The following SBK1 variants were observed in gnomAD, a reference collection of about 807,000 sequenced individuals.
SBK1 encodes SH3 domain binding kinase 1.
In SBK1, 11 loss-of-function variants were observed where a neutral mutation model predicts 24.4. That is an observed-to-expected ratio of 0.45 (90% CI 0.28 to 0.75). The LOEUF is 0.75. Among genes scored for constraint, SBK1 ranks in the 30% least tolerant of loss-of-function variants. The pLI, the probability that SBK1 is intolerant of heterozygous loss-of-function variation, is 0.12. For missense variants in SBK1, 467 were observed against 620.5 expected (o/e 0.75, Z 2.63); for synonymous variants, 308 against 284.4 (o/e 1.08, Z -0.83).
chr16:28,320,151 C>T lies in SBK1; in HGVS notation c.505C>T (p.Gln169Ter). 2 of 1,581,336 alleles carry T rather than the reference C, an allele frequency of 1.3e-6. No homozygotes were observed. The highest frequency in any genetic ancestry group is 8.6e-7 in the Non-Finnish European group (1 of 1,168,986). ...GLALDFMHGR[Q>*]LVHRDIKPEN... ...GGCGCTGGACTTCATGCACGGGCGG[C>T]AGCTGGTGCACCGCGACATCAAGCC... is the stretch of plus-strand genomic sequence containing the variant. The change falls in exon 4 of 4, where the codon CAG becomes TAG. Residue 169 changes from glutamine (Q) to a stop codon, truncating the protein, a stop_gained. Transcript: ENST00000341901. LOFTEE classifies it high-confidence loss of function. The surrounding 1 kb of genome is among the most constrained non-coding windows in gnomAD (Gnocchi z 8.5).
rs934003797 is a variant in SBK1 at position 28,319,925 on chromosome 16, A to G, written c.430-151A>G. 2 of 676,904 alleles carry G rather than the reference A, an allele frequency of 3.0e-6. No homozygotes were observed. The highest frequency in any genetic ancestry group is 3.8e-5 in the African/African-American group (2 of 52,488). 41.9% of individuals were successfully genotyped at this position (676,904 alleles called of 1,614,324 possible). A position where few individuals can be genotyped will look rare whatever the true frequency, so the allele number is the denominator to read the frequency against. On this transcript the variant is annotated intron_variant, in intron 3 of 3. Transcript: ENST00000341901. This position sits in a 1 kb window ranked among gnomAD's most constrained non-coding sequence, Gnocchi z 4.0. Reference sequence around the variant, plus strand: ...GACAGCGGGGGAAAGGGCGCTCAGCAGCATCCGGGCCGCGTCTGCGCGGTC... The same window carrying G: ...GACAGCGGGGGAAAGGGCGCTCAGCGGCATCCGGGCCGCGTCTGCGCGGTC...
chr16:28,281,647 A>G (rs1253050485), intron 1 of SBK1, among the ~76,000 whole-genome samples: 1 of 152,178 alleles, frequency 6.6e-6, no homozygotes, highest in East Asian at 1.9e-4. Flanking sequence ...CTTCAGCAAA[A>G]GCCTCAGCCT....
intron 1 of SBK1, among the ~76,000 whole-genome samples, chr16:28,310,498 C>G (rs1281856025): frequency 6.6e-6 from 1 of 152,214 alleles, no homozygotes; most frequent in Non-Finnish European, 1.5e-5. Context: ...AAGGTACCAG[C>G]TTTGGAGCCA....
chr16:28,290,780 A>G (rs559820598), upstream of SBK1: 41 of 152,380 alleles, frequency 2.7e-4, no homozygotes, highest in African/African-American at 9.4e-4. Context: ...GGAGGCCGAC[A>G]AGTTAAGAAC....
intron 1 of SBK1, among the ~76,000 whole-genome samples, chr16:28,279,392 C>A (rs1255232710): frequency 8.6e-6 from 1 of 116,870 alleles, no homozygotes; most frequent in East Asian, 2.5e-4. Flanking sequence ...AGAGCAAGAT[C>A]TGGTCTCTAA....
chr16:28,273,475 C>T (rs1231994224), intron 1 of SBK1, among the ~76,000 whole-genome samples: 1 of 152,104 alleles, frequency 6.6e-6, no homozygotes, highest in South Asian at 2.1e-4. Context: ...CCGCCTGCCT[C>T]GGCCTCCCAA....
chr16:28,268,561 G>A (rs1349630611), intron 1 of SBK1, among the ~76,000 whole-genome samples: 6 of 151,804 alleles, frequency 4.0e-5, no homozygotes, highest in African/African-American at 1.5e-4. Flanking sequence ...TCAGGAGTTC[G>A]AGACCAGCCT....
intron 1 of SBK1, among the ~76,000 whole-genome samples, chr16:28,315,185 C>T (rs1245508024): frequency 1.4e-5 from 2 of 147,910 alleles, no homozygotes; most frequent in Non-Finnish European, 3.0e-5. Context: ...TCTCCATTTA[C>T]AGATGAGAAA....
At chr16:28,308,772 TGTGTG>T (rs2044734391) in intron 1 of SBK1, among the ~76,000 whole-genome samples, 1 of 149,364 alleles carries the variant, frequency 6.7e-6, no homozygotes, top group African/African-American at 2.5e-5. Context: ...TGTGTGTGTG[TGTGTG>T]TGTTTGTTTT....
At chr16:28,316,143 G>A (rs1468990788) in intron 1 of SBK1, among the ~76,000 whole-genome samples, 1 of 152,126 alleles carries the variant, frequency 6.6e-6, no homozygotes, top group African/African-American at 2.4e-5. Flanking sequence ...TGCAGTGGGG[G>A]AGGCACTGCC....
Position 28,320,696 on chromosome 16 carries a change from G to A in SBK1, c.1050G>A (p.Pro350=), listed in dbSNP as rs1486072570. 3.6e-6 allele frequency: 4 copies of A among 1,097,162 alleles called. No homozygotes were observed. Among genetic ancestry groups the A allele is most frequent in the Non-Finnish European group, 4.4e-6 (4 of 900,470 alleles). The allele number at this position is 1,097,162 out of a possible 1,614,324, so 68.0% of individuals were successfully genotyped here. ...AGPLRLEAPG[P]LKRTVLTESG... is the part of the protein sequence containing the mutation. Reference sequence around the variant, plus strand: ...CACTGCGCCTCGAGGCGCCTGGGCCGCTCAAGCGGACGGTGCTGACCGAGA... The same window carrying A: ...CACTGCGCCTCGAGGCGCCTGGGCCACTCAAGCGGACGGTGCTGACCGAGA... The change falls in exon 4 of 4, where the codon CCG becomes CCA. Residue 350 remains proline (P), a synonymous_variant. Coordinates refer to ENST00000341901, the MANE Select transcript of SBK1 (RefSeq NM_001024401.3). The surrounding 1 kb of genome is among the most constrained non-coding windows in gnomAD (Gnocchi z 8.5).
chr16:28,261,870 T>C (rs541413490), intron 1 of SBK1, among the ~76,000 whole-genome samples: 1 of 152,200 alleles, frequency 6.6e-6, no homozygotes, highest in East Asian at 1.9e-4. Context: ...CCTCATCCCT[T>C]CATCTCCCAC....
At chr16:28,308,087 T>G (rs998320628) in intron 1 of SBK1, among the ~76,000 whole-genome samples, 1 of 152,210 alleles carries the variant, frequency 6.6e-6, no homozygotes, top group African/African-American at 2.4e-5. Flanking sequence ...GTATTGTCAC[T>G]GTCCTGGTTA....
chr16:28,284,465 C>T (rs2141570025), intron 1 of SBK1, among the ~76,000 whole-genome samples: 1 of 152,336 alleles, frequency 6.6e-6, no homozygotes, highest in East Asian at 1.9e-4. Flanking sequence ...ATCCTTGTTG[C>T]ATAGCTTCCA....
chr16:28,270,832 CTTATTTATTTATTTATTTATTTAT>C (rs199763829), intron 1 of SBK1, among the ~76,000 whole-genome samples: 18 of 147,644 alleles, frequency 1.2e-4, no homozygotes, highest in Admixed American at 6.8e-4. Flanking sequence ...TGCACCCTTT[CTTATTTATTTATTTATTTATTTAT>C]TTATTTATTT....
chr16:28,288,388 G>T (rs2044579374), upstream of SBK1, among the ~76,000 whole-genome samples: 1 of 152,142 alleles, frequency 6.6e-6, no homozygotes, highest in African/African-American at 2.4e-5. Context: ...TTTCAGGGCC[G>T]TCACCTTCCA....
At chr16:28,308,339 T>C (rs2044730585) in intron 1 of SBK1, among the ~76,000 whole-genome samples, 1 of 151,708 alleles carries the variant, frequency 6.6e-6, no homozygotes, top group African/African-American at 2.4e-5. Flanking sequence ...TTAGTAGAGA[T>C]GGGGTTTCAC....
At chr16:28,308,771 G>GTGTGTGTGTT (rs1567678518) in intron 1 of SBK1, among the ~76,000 whole-genome samples, 4 of 149,728 alleles carry the variant, frequency 2.7e-5, no homozygotes, top group Non-Finnish European at 5.9e-5. Context: ...GTGTGTGTGT[G>GTGTGTGTGTT]TGTGTGTGTT....
intron 1 of SBK1, among the ~76,000 whole-genome samples, chr16:28,284,281 G>A (rs2141569898): frequency 6.6e-6 from 1 of 152,348 alleles, no homozygotes; most frequent in South Asian, 2.1e-4. Context: ...GACAGCACTT[G>A]TTTCCTGCCA....
Sources: allele counts gnomAD v4.1 joint callset (sites outside exome capture counted in the v4.1 genomes callset), GRCh38; gene constraint gnomAD v4.1.1; non-coding constraint Gnocchi (gnomAD v3.1); transcripts MANE v1.5; gene names NCBI Gene and HGNC (gene_info 2026-07-23, HGNC 2026-07-21).